SNX29: variants seen among roughly 807,000 people sequenced by gnomAD.
The protein encoded by SNX29 is sorting nexin 29, also known as sorting nexin-29.
Under a neutral mutation model 102.1 loss-of-function variants are expected in SNX29, and 78 were observed. That is an observed-to-expected ratio of 0.76 (90% CI 0.64 to 0.92). SNX29 has a LOEUF of 0.92. Ranked by LOEUF, SNX29 falls within the 40% of genes least tolerant of loss-of-function variation. The pLI, the probability that SNX29 is intolerant of heterozygous loss-of-function variation, is 0.00. For synonymous variants in SNX29, 580 were observed against 414.5 expected (o/e 1.40, Z -4.85); for missense variants, 1,280 against 1,061.7 (o/e 1.21, Z -2.86).
chr16:12,272,594 C>G (rs975472109), intron 14 of SNX29, among the ~76,000 whole-genome samples: 1 of 152,220 alleles, frequency 6.6e-6, no homozygotes, highest in Non-Finnish European at 1.5e-5. Context: ...ATTCTGATTA[C>G]ATAGTTTACA....
chr16:12,464,499 G>A (rs547024919), intron 18 of SNX29, among the ~76,000 whole-genome samples: 1 of 152,122 alleles, frequency 6.6e-6, no homozygotes, highest in East Asian at 1.9e-4. Context: ...TGACACCCAG[G>A]CTGGAGTGCA....
intron 19 of SNX29, among the ~76,000 whole-genome samples, chr16:12,488,142 A>G (rs949032867): frequency 6.6e-6 from 1 of 152,212 alleles, no homozygotes; most frequent in Non-Finnish European, 1.5e-5. Context: ...CCAGTAAGAA[A>G]AAAAATTAAG....
intron 14 of SNX29, among the ~76,000 whole-genome samples, chr16:12,275,906 G>A (rs1253009106): frequency 3.6e-5 from 5 of 138,642 alleles, no homozygotes; most frequent in African/African-American, 9.2e-5. Context: ...TTTTTTTGGG[G>A]GGCGTGGTCA....
intron 20 of SNX29, among the ~76,000 whole-genome samples, chr16:12,529,303 G>T (rs1009327257): frequency 2.0e-5 from 3 of 152,234 alleles, no homozygotes; most frequent in African/African-American, 7.2e-5. Context: ...TCTTTGGGAA[G>T]CCCCGTGCTG....
At chr16:12,024,070 A>G (rs914250294) in intron 3 of SNX29, among the ~76,000 whole-genome samples, 4 of 152,182 alleles carry the variant, frequency 2.6e-5, no homozygotes, top group Non-Finnish European at 5.9e-5. Context: ...GCTGCAGTAC[A>G]AAGAAGCTCA....
chr16:12,541,622 C>T (rs1053366407), intron 20 of SNX29, among the ~76,000 whole-genome samples: 10 of 152,278 alleles, frequency 6.6e-5, no homozygotes, highest in East Asian at 1.9e-4. Flanking sequence ...ACATCTCTGT[C>T]GGGGTCCATC....
chr16:12,483,126 T>TG (rs1567610275), intron 19 of SNX29, among the ~76,000 whole-genome samples: 3 of 128,218 alleles, frequency 2.3e-5, no homozygotes, highest in African/African-American at 9.1e-5. Flanking sequence ...TTTTTTTTTT[T>TG]TTTTTTTTTT....
chr16:12,072,304 T>C (rs1055443075), intron 10 of SNX29, among the ~76,000 whole-genome samples: 2 of 152,188 alleles, frequency 1.3e-5, no homozygotes, highest in African/African-American at 4.8e-5. Context: ...GGCTGTGGGT[T>C]TGTCATAGAT....
chr16:12,313,061 G>A (rs1009354524), intron 15 of SNX29, among the ~76,000 whole-genome samples: 1 of 151,864 alleles, frequency 6.6e-6, no homozygotes, highest in African/African-American at 2.4e-5. Flanking sequence ...GTCACCCAGG[G>A]TGGAGTGAGT....
chr16:12,100,916 G>T (rs1279888624), intron 11 of SNX29, among the ~76,000 whole-genome samples: 1 of 152,096 alleles, frequency 6.6e-6, no homozygotes. Flanking sequence ...CTGGGGGAGG[G>T]CTGGGGACTT....
At chr16:12,321,354 C>T (rs1021167317) in intron 15 of SNX29, among the ~76,000 whole-genome samples, 1 of 152,164 alleles carries the variant, frequency 6.6e-6, no homozygotes, top group African/African-American at 2.4e-5. Flanking sequence ...AAACCCAGTC[C>T]GACCTAGCTA....
Position 12,485,699 on chromosome 16 carries a change from A to G in SNX29, c.2178+7840A>G, listed in dbSNP as rs538815703. 2.6e-5 allele frequency among the ~76,000 whole-genome samples: 4 copies of G among 152,286 alleles called. No homozygotes were observed. The South Asian group carries it at 8.3e-4, about 32-fold the overall frequency. ...GGGCTGTTGTGCTGGGTGCAGGGGC[A>G]TTGAAGGCGAATTAAGGTTCGGTCT... is the stretch of plus-strand genomic sequence containing the variant. On this transcript the variant is annotated intron_variant, in intron 19 of 20. Coordinates refer to ENST00000566228, the MANE Select transcript of SNX29 (RefSeq NM_032167.5).
intron 11 of SNX29, among the ~76,000 whole-genome samples, chr16:12,118,313 CTTTTTTTTT>C (rs869186902): frequency 4.6e-5 from 4 of 86,114 alleles, no homozygotes; most frequent in African/African-American, 1.6e-4. Flanking sequence ...TACAGACCAC[CTTTTTTTTT>C]TTTTTTTTTT....
chr16:11,993,652 G>T (rs913239547), intron 1 of SNX29, among the ~76,000 whole-genome samples: 1 of 152,172 alleles, frequency 6.6e-6, no homozygotes, highest in African/African-American at 2.4e-5. Context: ...CACATGGCTG[G>T]TGGAGTAGGA....
intron 18 of SNX29, among the ~76,000 whole-genome samples, chr16:12,404,250 G>A (rs893268283): frequency 3.9e-5 from 6 of 152,168 alleles, no homozygotes; most frequent in African/African-American, 1.2e-4. Context: ...ACGGATAGCC[G>A]CACCCAGGTG....
In SNX29 at chr16:12,548,880, C is replaced by T. The variant is rs144731678; in HGVS notation, c.2319-19626C>T. 4.5e-3 allele frequency among the ~76,000 whole-genome samples: 683 copies of T among 152,330 alleles called. 3 individuals are homozygous for T. The highest frequency in any genetic ancestry group is 0.016 in the African/African-American group (653 of 41,574). On this transcript the variant is annotated intron_variant, in intron 20 of 20. Coordinates refer to ENST00000566228, the MANE Select transcript of SNX29 (RefSeq NM_032167.5). ...CTGCAGCCAGGGCCCTTGGCCTGAA[C>T]CCTACACATAGCAGCACTCACTCGG... is the stretch of plus-strand genomic sequence containing the variant.
Position 12,568,536 on chromosome 16 carries a change from C to T in SNX29, c.2349C>T (p.Asn783=), listed in dbSNP as rs1171395797. Residue 783 remains asparagine (N), a synonymous_variant, in exon 21 of 21, where the codon AAC becomes AAT. Transcript: ENST00000566228. ...VDITPPGEPV[N]SRPKAASRFP... ...TCACCCCGCCCGGAGAGCCTGTGAA[C>T]AGCCGGCCCAAAGCAGCTTCCCGCT... The T allele has an allele frequency of 1.3e-5, 21 of 1,609,670 alleles. No homozygotes were observed. The highest frequency in any genetic ancestry group is 1.7e-5 in the Non-Finnish European group (20 of 1,179,866).
chr16:12,153,093 A>G (rs927707210), intron 13 of SNX29, among the ~76,000 whole-genome samples: 3 of 152,112 alleles, frequency 2.0e-5, no homozygotes, highest in Non-Finnish European at 4.4e-5. Flanking sequence ...GTTTTTAGTC[A>G]AGGATAATAA....
At chr16:12,547,228 C>T (rs1316204256) in intron 20 of SNX29, among the ~76,000 whole-genome samples, 2 of 152,160 alleles carry the variant, frequency 1.3e-5, no homozygotes, top group African/African-American at 2.4e-5. Flanking sequence ...AGGCAGGGAG[C>T]CAGGCAGTGG....
Sources: allele counts gnomAD v4.1 joint callset (sites outside exome capture counted in the v4.1 genomes callset), GRCh38; gene constraint gnomAD v4.1.1; transcripts MANE v1.5; gene names NCBI Gene and HGNC (gene_info 2026-07-23, HGNC 2026-07-21).